Variants in TRIM40 observed in about 807,000 individuals in gnomAD.
TRIM40 encodes the protein E3 ubiquitin ligase TRIM40.
Under a neutral mutation model 26.1 loss-of-function variants are expected in TRIM40, and 27 were observed. The ratio of observed to expected loss-of-function variants is 1.04; its 90% CI spans 0.76 to 1.43. The LOEUF (loss-of-function observed/expected upper bound fraction) is 1.43, where lower values mean the gene tolerates loss of function less well. Among genes scored for constraint, TRIM40 ranks in the 40% most tolerant of loss-of-function variants. TRIM40 has a pLI of 0.00. For synonymous variants in TRIM40, 114 were observed against 120.0 expected (o/e 0.95, Z 0.33); for missense variants, 289 against 307.9 (o/e 0.94, Z 0.46).
chr6:30,141,058 G>A (rs920837329), intron 2 of TRIM40, among the ~76,000 whole-genome samples: 6 of 152,188 alleles, frequency 3.9e-5, no homozygotes, highest in Non-Finnish European at 8.8e-5. Flanking sequence ...AAAGTGGGAG[G>A]ATCGCTTGAG....
At chr6:30,143,830 G>A (rs1183799081) in intron 2 of TRIM40, among the ~76,000 whole-genome samples, 1 of 151,972 alleles carries the variant, frequency 6.6e-6, no homozygotes, top group Non-Finnish European at 1.5e-5. Context: ...TAAACAATAT[G>A]ACAGTATTAT....
chr6:30,142,649 G>T (rs115105549), intron 2 of TRIM40, among the ~76,000 whole-genome samples: 3,385 of 152,070 alleles, frequency 0.022, 58 homozygotes, highest in Middle Eastern at 0.068. Context: ...TTTAATATGA[G>T]TGTGCTGCTC....
chr6:30,136,747 AT>A lies in TRIM40; in HGVS notation c.-287del, dbSNP rs1197649557. 1 of 467,814 alleles carries A rather than the reference AT, an allele frequency of 2.1e-6. No individual in the cohort carries two copies. The highest frequency in any genetic ancestry group is 3.8e-5 in the Admixed American group (1 of 26,634). 29.0% of individuals were successfully genotyped at this position (467,814 alleles called of 1,614,324 possible). A position where few individuals can be genotyped will look rare whatever the true frequency, so the allele number is the denominator to read the frequency against. ...GCTTCCTCTAGGTGTATGAAAAATAATTTCAAGTTTAACAAACACAAGGAAA... is the reference window on the plus strand; with the variant it reads ...GCTTCCTCTAGGTGTATGAAAAATAATTCAAGTTTAACAAACACAAGGAAA... On this transcript the variant is annotated 5_prime_UTR_variant, in exon 2 of 6. The change creates a premature stop within an existing upstream ORF in the 5' untranslated region. Transcript: ENST00000396581.
chr6:30,136,654 T>A (rs1250220099), intron 1 of TRIM40, 79 bp from the exon 2 acceptor site: 1 of 242,780 alleles, frequency 4.1e-6, no homozygotes, highest in African/African-American at 2.3e-5. Flanking sequence ...GCCCTTTTAA[T>A]TTGGGGCCCG....
In TRIM40 at chr6:30,137,284, A is replaced by C; in HGVS notation, c.248A>C (p.Glu83Ala). The change falls in exon 2 of 6, where the codon GAG (glutamate) becomes GCG (alanine). Residue 83 changes from glutamate to alanine, a missense_variant. Physicochemically the swap from Glu to Ala is moderately radical, Grantham distance 107 (BLOSUM62 -1). Coordinates refer to ENST00000396581, the MANE Select transcript of TRIM40 (RefSeq NM_001286633.2). ...NHQKRVCRFCEESRLLLCVEC... is the reference protein window; with the variant it reads ...NHQKRVCRFCAESRLLLCVEC... Reference sequence around the variant, plus strand: ...CAGAAGAGGGTGTGCAGGTTCTGTGAGGAGAGCAGACTTCTTCTATGTGTG... The same window carrying C: ...CAGAAGAGGGTGTGCAGGTTCTGTGCGGAGAGCAGACTTCTTCTATGTGTG... 6.2e-7 allele frequency: 1 copy of C among 1,613,034 alleles called. No individual in the cohort carries two copies. Among genetic ancestry groups the C allele is most frequent in the Non-Finnish European group, 8.5e-7 (1 of 1,180,012 alleles).
At chr6:30,142,260 T>C (rs554054975) in intron 2 of TRIM40, among the ~76,000 whole-genome samples, 10 of 152,356 alleles carry the variant, frequency 6.6e-5, no homozygotes, top group South Asian at 2.1e-4. Flanking sequence ...CTTATTTGTA[T>C]ACCTGTTTCC....
chr6:30,138,084 CACACA>C (rs1771125571), intron 2 of TRIM40, among the ~76,000 whole-genome samples: 1 of 152,140 alleles, frequency 6.6e-6, no homozygotes, highest in African/African-American at 2.4e-5. Context: ...CACACACACA[CACACA>C]CCCTCAAAGG....
intron 3 of TRIM40, 80 bp from the exon 4 acceptor site, chr6:30,146,905 C>T: frequency 2.1e-6 from 3 of 1,398,444 alleles, no homozygotes; most frequent in Non-Finnish European, 2.0e-6. Flanking sequence ...AATCAGCATT[C>T]CTGCTCAGAC....
intron 3 of TRIM40, among the ~76,000 whole-genome samples, chr6:30,146,734 C>G (rs561182185): frequency 2.0e-5 from 3 of 152,330 alleles, no homozygotes; most frequent in African/African-American, 7.2e-5. Flanking sequence ...ATTTCTGTCT[C>G]TGACAGTCTA....
At position 30,137,194 on chromosome 6, in the gene TRIM40, G is replaced by A; in HGVS notation, c.158G>A (p.Cys53Tyr). Residue 53 changes from cysteine to tyrosine, a missense_variant, in exon 2 of 6, where the codon TGC (cysteine) becomes TAC (tyrosine). Coordinates refer to ENST00000396581, the MANE Select transcript of TRIM40 (RefSeq NM_001286633.2). ...EKASASGVFC[C>Y]PLCRKPCSEE... ...GCCTCAGCCTCTGGGGTCTTCTGCT[G>A]CCCCCTCTGCCGGAAGCCCTGTTCT... is the stretch of plus-strand genomic sequence containing the variant. 1 of 1,613,042 alleles carries A rather than the reference G, an allele frequency of 6.2e-7. No homozygotes were observed. The highest frequency in any genetic ancestry group is 8.5e-7 in the Non-Finnish European group (1 of 1,180,022).
Position 30,148,227 on chromosome 6 carries a change from T to C in TRIM40, c.*415T>C. The C allele has an allele frequency of 4.4e-6, 1 of 225,524 alleles. No individual in the cohort carries two copies. The highest frequency in any genetic ancestry group is 5.1e-5 in the Admixed American group (1 of 19,796). The allele number at this position is 225,524 out of a possible 1,614,324, so 14.0% of individuals were successfully genotyped here. On this transcript the variant is annotated 3_prime_UTR_variant, in exon 6 of 6. Coordinates refer to ENST00000396581, the MANE Select transcript of TRIM40 (RefSeq NM_001286633.2). ...GAGCCCAGCTGAGTTCCTGCAGTAC[T>C]TGTTGTCTGTACCACTCACCTGGCA... is the stretch of plus-strand genomic sequence containing the variant.
rs184947335 is a variant in TRIM40, at chr6:30,146,775, T to C, written c.442-210T>C. Among the ~76,000 whole-genome samples the C allele has an allele frequency of 7.9e-4, 121 of 152,310 alleles. 1 individual carries two copies. The highest frequency in any genetic ancestry group is 2.7e-3 in the African/African-American group (114 of 41,556). ...CTATTCCTCTTGGTCACATGGCATCTGTAGATATTCAGAGAGTGAGGTGGA... is the reference window on the plus strand; with the variant it reads ...CTATTCCTCTTGGTCACATGGCATCCGTAGATATTCAGAGAGTGAGGTGGA... On this transcript the variant is annotated intron_variant, in intron 3 of 5. Transcript: ENST00000396581.
At chr6:30,140,020 G>C (rs1771252952) in intron 2 of TRIM40, among the ~76,000 whole-genome samples, 1 of 152,222 alleles carries the variant, frequency 6.6e-6, no homozygotes, top group Admixed American at 6.5e-5. Flanking sequence ...ACCACAATGA[G>C]ATACCATCTC....
intron 3 of TRIM40, 96 bp from the exon 4 acceptor site, chr6:30,146,889 C>T (rs4959044): frequency 0.21 from 266,597 of 1,252,452 alleles, 30,115 homozygotes; most frequent in Non-Finnish European, 0.23. Flanking sequence ...GGCAAGAGGA[C>T]TGAGGAATCA....
At position 30,137,273 on chromosome 6, in the gene TRIM40, C is replaced by A. The variant is rs1771068499; in HGVS notation, c.237C>A (p.Cys79Ter). The change falls in exon 2 of 6, where the codon TGC becomes TGA. Residue 79 changes from cysteine to a stop codon, truncating the protein, a stop_gained. Transcript: ENST00000396581. LOFTEE classifies it high-confidence loss of function. Reference protein sequence around the residue: ...YICPNHQKRVCRFCEESRLLL... With the variant: ...YICPNHQKRV ...GCCCCAACCACCAGAAGAGGGTGTGCAGGTTCTGTGAGGAGAGCAGACTTC... is the reference window on the plus strand; with the variant it reads ...GCCCCAACCACCAGAAGAGGGTGTGAAGGTTCTGTGAGGAGAGCAGACTTC... The A allele has an allele frequency of 6.2e-7, 1 of 1,613,050 alleles. No homozygotes were observed. The highest frequency in any genetic ancestry group is 2.2e-5 in the East Asian group (1 of 44,888).
At chr6:30,146,374 ATTACT>A (rs1220170941) in intron 3 of TRIM40, among the ~76,000 whole-genome samples, 1 of 152,064 alleles carries the variant, frequency 6.6e-6, no homozygotes, top group Non-Finnish European at 1.5e-5. Flanking sequence ...TCAACTGAAA[ATTACT>A]ACACAAGCCA....
chr6:30,147,175 G>T lies in TRIM40; in HGVS notation c.632G>T (p.Arg211Met). 3 of 1,614,232 alleles carry T rather than the reference G, an allele frequency of 1.9e-6. No individual in the cohort carries two copies. Among genetic ancestry groups the T allele is most frequent in the Non-Finnish European group, 2.5e-6 (3 of 1,180,034 alleles). Residue 211 changes from arginine (R) to methionine (M), a missense_variant, in exon 4 of 6, where the codon AGG becomes ATG. Arg to Met is a moderately conservative substitution (Grantham distance 91). Transcript: ENST00000396581. ...QLRSLVIDLE[R>M]TAKELDTNTL... ...AGAAGCCTGGTCATTGATCTGGAAAGGACGGCCAAGGAATTAGACACCAAC... is the reference window on the plus strand; with the variant it reads ...AGAAGCCTGGTCATTGATCTGGAAATGACGGCCAAGGAATTAGACACCAAC...
rs375791029 is a variant in TRIM40 at position 30,147,051 on chromosome 6, C to G, written c.508C>G (p.Gln170Glu). ...GGAGAGCCAGCACCAAACCAGGGAA[C>G]AGCTGGGTGCCCTCCCTCAGCAGTG... is the stretch of plus-strand genomic sequence containing the variant. ...GPESQHQTREQLGALPQQWLG... is the reference protein window; with the variant it reads ...GPESQHQTREELGALPQQWLG... Residue 170 changes from glutamine (Q) to glutamate (E), a missense_variant, in exon 4 of 6, where the codon CAG becomes GAG. Coordinates refer to ENST00000396581, the MANE Select transcript of TRIM40 (RefSeq NM_001286633.2). 265 of 1,613,596 alleles carry G rather than the reference C, an allele frequency of 1.6e-4. 1 individual carries two copies. The highest frequency in any genetic ancestry group is 2.1e-4 in the Non-Finnish European group (246 of 1,179,772).
chr6:30,145,893 T>A (rs111792249), intron 2 of TRIM40, 101 bp from the exon 3 acceptor site: 1 of 816,798 alleles, frequency 1.2e-6, no homozygotes, highest in Admixed American at 2.2e-5. Flanking sequence ...TTTACATTAG[T>A]TGCATTCTGG....
Sources: allele counts gnomAD v4.1 joint callset (sites outside exome capture counted in the v4.1 genomes callset), GRCh38; gene constraint gnomAD v4.1.1; transcripts MANE v1.5; gene names NCBI Gene and HGNC (gene_info 2026-07-23, HGNC 2026-07-21).